Variants in MTRF1 observed in about 807,000 individuals in gnomAD.
MTRF1 encodes the protein mitochondrial translation release factor 1, also known as peptide chain release factor 1, mitochondrial.
In MTRF1, 51 loss-of-function variants were observed where a neutral mutation model predicts 62.9. That is an observed-to-expected ratio of 0.81 (90% CI 0.65 to 1.02). The LOEUF is 1.02. Ranked by LOEUF, MTRF1 falls within the 50% of genes least tolerant of loss-of-function variation. MTRF1 has a pLI of 0.00. For missense variants in MTRF1, 446 were observed against 530.0 expected (o/e 0.84, Z 1.56); for synonymous variants, 158 against 181.9 (o/e 0.87, Z 1.06).
At chr13:41,284,318 T>C in the MTRF1 span, among the ~76,000 whole-genome samples, 1 of 148,748 alleles carries the variant, frequency 6.7e-6, no homozygotes, top group African/African-American at 2.5e-5. Context: ...AAACTCCATC[T>C]CTACTGAAAA....
At position 41,234,022 on chromosome 13, in the gene MTRF1, A is replaced by G. The variant is rs777562306; in HGVS notation, c.871-15T>C. 6.4e-7 allele frequency: 1 copy of G among 1,563,728 alleles called. No homozygotes were observed. The highest frequency in any genetic ancestry group is 1.1e-5 in the South Asian group (1 of 89,964). On this transcript the variant is annotated splice_polypyrimidine_tract_variant and intron_variant, in intron 6 of 9. Transcript: ENST00000379480. ...TTCACATCCACCTAGAACAGAAGGC[A>G]TGGCATAATTCTACACTCCGTGAAT...
At chr13:41,271,738 T>A in the MTRF1 span, among the ~76,000 whole-genome samples, 1 of 152,126 alleles carries the variant, frequency 6.6e-6, no homozygotes, top group Non-Finnish European at 1.5e-5. Flanking sequence ...AGGCCCCTGG[T>A]CACCCAGGGG....
intron 5 of MTRF1, among the ~76,000 whole-genome samples, chr13:41,247,701 C>T (rs753285067): frequency 6.6e-5 from 10 of 152,160 alleles, no homozygotes; most frequent in Non-Finnish European, 1.5e-4. Context: ...TGGTGGCTTC[C>T]GCTTGGTCTT....
At chr13:41,218,932 CTATGA>C (rs962930812) in intron 9 of MTRF1, among the ~76,000 whole-genome samples, 4 of 152,198 alleles carry the variant, frequency 2.6e-5, no homozygotes, top group African/African-American at 2.4e-5. Flanking sequence ...AGCAAAAACA[CTATGA>C]TATAACTTTA....
At chr13:41,280,634 C>A in the MTRF1 span, among the ~76,000 whole-genome samples, 2 of 152,128 alleles carry the variant, frequency 1.3e-5, no homozygotes, top group African/African-American at 4.8e-5. Flanking sequence ...CTTATGTCTC[C>A]CTAAAATGTG....
At chr13:41,236,022 TACACAGACACAGACAGACAGAC>T (rs2036480183) in intron 6 of MTRF1, 2 of 148,230 alleles carry the variant, frequency 1.3e-5, no homozygotes, top group African/African-American at 5.0e-5. Context: ...TGGAAACTTA[TACACAGACACAGACAGACAGAC>T]ACACACACAC....
chr13:41,281,256 C>T, the MTRF1 span, among the ~76,000 whole-genome samples: 642 of 152,340 alleles, frequency 4.2e-3, 2 homozygotes, highest in Non-Finnish European at 7.1e-3. Context: ...AGGAGATTTT[C>T]CCGCTCACTG....
chr13:41,261,954 CA>C lies in MTRF1; in HGVS notation c.-8-1040del, dbSNP rs544768598. On this transcript the variant is annotated intron_variant, in intron 1 of 9. Coordinates refer to ENST00000379480, the MANE Select transcript of MTRF1 (RefSeq NM_004294.4). ...AAGGAACAAAATAGAATCTCAATTA[CA>C]TTTAAAAAATATTCTACAATATAAG... 4.9e-3 allele frequency: 806 copies of C among 163,668 alleles called. 3 individuals are homozygous for C. The highest frequency in any genetic ancestry group is 7.7e-3 in the Non-Finnish European group (625 of 81,314). The allele number at this position is 163,668 out of a possible 1,614,324, so 10.1% of individuals were successfully genotyped here.
At chr13:41,301,229 C>T in the MTRF1 span, among the ~76,000 whole-genome samples, 4 of 152,130 alleles carry the variant, frequency 2.6e-5, no homozygotes, top group Admixed American at 6.5e-5. Flanking sequence ...CTGCATTCAC[C>T]AGGGGATAGG....
chr13:41,271,082 C>CAT, the MTRF1 span, among the ~76,000 whole-genome samples: 13 of 149,944 alleles, frequency 8.7e-5, no homozygotes, highest in Non-Finnish European at 1.8e-4. Context: ...CACACACACA[C>CAT]ACACACACAC....
intron 5 of MTRF1, among the ~76,000 whole-genome samples, chr13:41,247,315 A>G (rs562682167): frequency 7.4e-4 from 112 of 152,306 alleles, no homozygotes; most frequent in Non-Finnish European, 1.0e-3. Context: ...AGGACAATGA[A>G]GGTGTATTGT....
chr13:41,235,052 G>GC (rs2036240146), intron 6 of MTRF1: 1 of 151,930 alleles, frequency 6.6e-6, no homozygotes, highest in African/African-American at 2.4e-5. Context: ...TAATCTATGT[G>GC]AGCTCAGTGT....
chr13:41,245,381 C>T (rs1314742355), intron 5 of MTRF1, among the ~76,000 whole-genome samples: 1 of 152,044 alleles, frequency 6.6e-6, no homozygotes, highest in Admixed American at 6.6e-5. Flanking sequence ...GCTGGGACTA[C>T]AGACGTGTGC....
the MTRF1 span, among the ~76,000 whole-genome samples, chr13:41,307,807 C>G: frequency 2.0e-5 from 3 of 152,042 alleles, no homozygotes; most frequent in Non-Finnish European, 4.4e-5. Flanking sequence ...ATTACCCAGT[C>G]TCAGGTAATT....
chr13:41,267,390 C>T (rs1300873359), upstream of MTRF1, among the ~76,000 whole-genome samples: 7 of 152,248 alleles, frequency 4.6e-5, no homozygotes, highest in East Asian at 1.4e-3. Flanking sequence ...ATGGGAGTCT[C>T]TTAAAAGTTA....
intron 5 of MTRF1, among the ~76,000 whole-genome samples, chr13:41,251,361 T>C (rs1429504940): frequency 6.6e-6 from 1 of 152,198 alleles, no homozygotes; most frequent in African/African-American, 2.4e-5. Flanking sequence ...ATATATATCT[T>C]ATCAAATCAT....
the MTRF1 span, among the ~76,000 whole-genome samples, chr13:41,287,234 G>A: frequency 1.3e-5 from 2 of 152,206 alleles, no homozygotes; most frequent in African/African-American, 4.8e-5. Flanking sequence ...TGTGGCTTCT[G>A]GGGAGGCCTC....
At chr13:41,241,167 CTT>C (rs527242819) in intron 5 of MTRF1, among the ~76,000 whole-genome samples, 41 of 152,192 alleles carry the variant, frequency 2.7e-4, no homozygotes, top group African/African-American at 8.9e-4. Context: ...GCCTCGTTCT[CTT>C]GAGTGGCTAG....
At chr13:41,240,036 A>G (rs955193762) in intron 6 of MTRF1, among the ~76,000 whole-genome samples, 2 of 152,124 alleles carry the variant, frequency 1.3e-5, no homozygotes, top group Non-Finnish European at 2.9e-5. Context: ...GGTGGCGTGT[A>G]CCTGTAATTG....
Sources: gnomAD v4.1 joint callset for allele counts (sites outside exome capture counted in the v4.1 genomes callset) on GRCh38, gnomAD v4.1.1 for gene constraint, MANE v1.5 for transcripts, NCBI Gene and HGNC (gene_info 2026-07-23, HGNC 2026-07-21) for gene names.